The following SLC9A9 variants were observed in gnomAD, a reference collection of about 807,000 sequenced individuals.
SLC9A9 encodes the protein sodium/hydrogen exchanger 9.
Under a neutral mutation model 77.8 loss-of-function variants are expected in SLC9A9, and 62 were observed. The observed-to-expected ratio is 0.80, with a 90% CI of 0.65 to 0.98. SLC9A9 has a LOEUF of 0.98. Ranked by LOEUF, SLC9A9 falls within the 50% of genes least tolerant of loss-of-function variation. The pLI is 0.00. For missense variants in SLC9A9, 775 were observed against 774.9 expected (o/e 1.00, Z 0.00); for synonymous variants, 320 against 283.5 (o/e 1.13, Z -1.29).
At chr3:143,369,265 A>C (rs1281311327) in intron 13 of SLC9A9, among the ~76,000 whole-genome samples, 1 of 152,204 alleles carries the variant, frequency 6.6e-6, no homozygotes, top group African/African-American at 2.4e-5. Flanking sequence ...ATATCTATGT[A>C]TTCTTTGATA....
intron 13 of SLC9A9, among the ~76,000 whole-genome samples, chr3:143,369,990 C>G (rs964495275): frequency 1.3e-5 from 2 of 152,226 alleles, no homozygotes; most frequent in Non-Finnish European, 2.9e-5. Context: ...TAGGCCCAGT[C>G]CAGCCTTCAG....
chr3:143,290,529 C>T (rs1380580395), intron 14 of SLC9A9, among the ~76,000 whole-genome samples: 1 of 152,196 alleles, frequency 6.6e-6, no homozygotes, highest in Non-Finnish European at 1.5e-5. Flanking sequence ...TCTCACAGAG[C>T]TAGGCCTTTT....
intron 9 of SLC9A9, among the ~76,000 whole-genome samples, chr3:143,545,051 AT>A (rs1191530132): frequency 3.3e-5 from 5 of 152,178 alleles, no homozygotes; most frequent in Non-Finnish European, 5.9e-5. Context: ...TACTGGTACA[AT>A]ACTGTTTCGG....
chr3:143,302,255 AGTATATAC>A (rs1333788000), intron 14 of SLC9A9, among the ~76,000 whole-genome samples: 1 of 152,210 alleles, frequency 6.6e-6, no homozygotes, highest in Non-Finnish European at 1.5e-5. Context: ...TGATTGCCCT[AGTATATAC>A]AGGCAATAGG....
At chr3:143,794,555 T>C (rs949847078) in intron 4 of SLC9A9, among the ~76,000 whole-genome samples, 1 of 152,202 alleles carries the variant, frequency 6.6e-6, no homozygotes, top group African/African-American at 2.4e-5. Flanking sequence ...TCTGTTGATA[T>C]TTGGACATAT....
intron 6 of SLC9A9, among the ~76,000 whole-genome samples, chr3:143,623,687 A>C (rs1480928150): frequency 6.6e-6 from 1 of 152,194 alleles, no homozygotes; most frequent in Admixed American, 6.5e-5. Context: ...TGACACCCTA[A>C]CATCACAATT....
intron 4 of SLC9A9, among the ~76,000 whole-genome samples, chr3:143,751,368 C>A (rs1377954352): frequency 6.6e-6 from 1 of 152,168 alleles, no homozygotes; most frequent in East Asian, 1.9e-4. Context: ...CCCCCCACTG[C>A]GGCAAAGAGG....
intron 4 of SLC9A9, among the ~76,000 whole-genome samples, chr3:143,718,858 G>A (rs1455358335): frequency 6.6e-6 from 1 of 152,144 alleles, no homozygotes; most frequent in Non-Finnish European, 1.5e-5. Flanking sequence ...AAGAGCATTT[G>A]ACTTGAAATC....
chr3:143,424,299 C>G (rs1168045910), intron 12 of SLC9A9, among the ~76,000 whole-genome samples: 2 of 150,376 alleles, frequency 1.3e-5, no homozygotes, highest in Non-Finnish European at 3.0e-5. Context: ...CAGAGTCTCA[C>G]TCTGTCACCC....
intron 12 of SLC9A9, among the ~76,000 whole-genome samples, chr3:143,459,987 T>C (rs1476732821): frequency 2.0e-5 from 3 of 152,060 alleles, no homozygotes; most frequent in African/African-American, 4.8e-5. Flanking sequence ...ATTGCTGGGA[T>C]TGGGGAAAAG....
intron 4 of SLC9A9, among the ~76,000 whole-genome samples, chr3:143,777,665 T>C (rs1576719259): frequency 6.6e-6 from 1 of 152,158 alleles, no homozygotes; most frequent in East Asian, 1.9e-4. Context: ...TGAAGAGGCA[T>C]TAATTAGTTT....
intron 4 of SLC9A9, among the ~76,000 whole-genome samples, chr3:143,703,307 A>G (rs886714114): frequency 1.3e-5 from 2 of 152,166 alleles, no homozygotes; most frequent in African/African-American, 4.8e-5. Flanking sequence ...AGGACAGGAC[A>G]TATGTTAGAT....
chr3:143,503,946 C>T (rs2035967269), intron 9 of SLC9A9: 1 of 372,792 alleles, frequency 2.7e-6, no homozygotes, highest in Non-Finnish European at 5.2e-6. Flanking sequence ...CTAAGTGAGC[C>T]TCAGCCTTCT....
intron 11 of SLC9A9, among the ~76,000 whole-genome samples, chr3:143,485,720 A>G (rs2035643508): frequency 6.6e-6 from 1 of 152,184 alleles, no homozygotes; most frequent in Non-Finnish European, 1.5e-5. Flanking sequence ...ACAGAGAAAC[A>G]GGATAGTATG....
At chr3:143,390,574 A>C (rs1237723667) in intron 12 of SLC9A9, among the ~76,000 whole-genome samples, 2 of 152,220 alleles carry the variant, frequency 1.3e-5, no homozygotes, top group Non-Finnish European at 2.9e-5. Context: ...TACCAGGTTC[A>C]TCTCACTGGG....
At position 143,266,876 on chromosome 3, in the gene SLC9A9, G is replaced by A. The variant is rs769564242; in HGVS notation, c.1764C>T (p.Ala588=). Residue 588 remains alanine (A), a synonymous_variant, in exon 16 of 16, where the codon GCC becomes GCT. Coordinates refer to ENST00000316549, the MANE Select transcript of SLC9A9 (RefSeq NM_173653.4). ...AGGAGGCTTGCTCCTGGTAATTTAT[G>A]GCTAGTTCATCCTGGTTTACAATGC... The part of the protein sequence containing the change: ...VECIVNQDEL[A]INYQEQASSP... The A allele has an allele frequency of 3.1e-6, 5 of 1,614,086 alleles. No homozygotes were observed. The highest frequency in any genetic ancestry group is 1.3e-5 in the African/African-American group (1 of 75,008).
chr3:143,812,249 G>A (rs766955960), intron 2 of SLC9A9, among the ~76,000 whole-genome samples: 23 of 152,282 alleles, frequency 1.5e-4, no homozygotes, highest in Non-Finnish European at 2.2e-4. Context: ...ACACCTCACC[G>A]GAGAATTTAT....
chr3:143,723,621 T>C (rs1385192503), intron 4 of SLC9A9, among the ~76,000 whole-genome samples: 1 of 152,254 alleles, frequency 6.6e-6, no homozygotes, highest in East Asian at 1.9e-4. Flanking sequence ...ACTGATGTTA[T>C]ACTGGACTCA....
At chr3:143,706,443 CA>C (rs1404297850) in intron 4 of SLC9A9, among the ~76,000 whole-genome samples, 1 of 150,312 alleles carries the variant, frequency 6.7e-6, no homozygotes, top group East Asian at 1.9e-4. Flanking sequence ...CCATTTGGCC[CA>C]CTCTACTTAG....
Sources: gnomAD v4.1 joint callset for allele counts (sites outside exome capture counted in the v4.1 genomes callset) on GRCh38, gnomAD v4.1.1 for gene constraint, MANE v1.5 for transcripts, NCBI Gene and HGNC (gene_info 2026-07-23, HGNC 2026-07-21) for gene names.